Variants in ARHGEF4 observed in about 807,000 individuals in gnomAD.
ARHGEF4 encodes the protein Rho guanine nucleotide exchange factor 4, also known as APC-stimulated guanine nucleotide exchange factor 1.
Under a neutral mutation model 162.0 loss-of-function variants are expected in ARHGEF4, and 119 were observed. The ratio of observed to expected loss-of-function variants is 0.73; its 90% CI spans 0.63 to 0.86. The LOEUF is 0.86. ARHGEF4 is among the 40% of genes least tolerant of loss of function. ARHGEF4 has a pLI of 0.00. For synonymous variants in ARHGEF4, 1,014 were observed against 979.9 expected, an observed-to-expected ratio of 1.03 and a Z score of -0.65; for missense variants, 2,488 against 2,456.0, an observed-to-expected ratio of 1.01 and a Z score of -0.28.
chr2:130,987,748 G>A (rs1221026417), intron 4 of ARHGEF4, among the ~76,000 whole-genome samples: 1 of 152,220 alleles, frequency 6.6e-6, no homozygotes, highest in Non-Finnish European at 1.5e-5. Context: ...AGTGAGCACT[G>A]TGAGCTAGGC....
chr2:131,041,244 G>T lies in ARHGEF4; in HGVS notation c.4677G>T (p.Gln1559His). 6.2e-7 allele frequency: 1 copy of T among 1,613,632 alleles called. No homozygotes were observed. The highest frequency in any genetic ancestry group is 8.5e-7 in the Non-Finnish European group (1 of 1,179,908). The change falls in exon 9 of 14, where the codon CAG (glutamine) becomes CAT (histidine). Residue 1559 changes from glutamine (Q) to histidine (H), a missense_variant. Gln to His is a conservative substitution (Grantham distance 24). Coordinates refer to ENST00000409359, the MANE Select transcript of ARHGEF4 (RefSeq NM_001367493.1). ...ACFLEHQADF[Q>H]IYSEYCNNHP... ...GTGCCCCTTAGCAAGCCGACTTCCA[G>T]ATCTACTCGGAGTACTGCAATAACC...
chr2:130,957,631 C>T (rs1245759081), intron 4 of ARHGEF4, among the ~76,000 whole-genome samples: 1 of 152,116 alleles, frequency 6.6e-6, no homozygotes, highest in Non-Finnish European at 1.5e-5. Context: ...ATTCATGTGT[C>T]GAAATCCTAT....
chr2:130,856,504 G>C (rs932378176), intron 1 of ARHGEF4, among the ~76,000 whole-genome samples: 2 of 152,206 alleles, frequency 1.3e-5, no homozygotes, highest in East Asian at 3.8e-4. Flanking sequence ...CTCAGGCTGA[G>C]AGCAAGTGAC....
intron 4 of ARHGEF4, among the ~76,000 whole-genome samples, chr2:130,976,137 G>A (rs370200545): frequency 1.3e-5 from 2 of 152,144 alleles, no homozygotes; most frequent in African/African-American, 4.8e-5. Flanking sequence ...GTTGTGCAAG[G>A]TGATGAGTGT....
At chr2:130,925,079 T>TGTGTGTGTGC (rs1353241103) in intron 2 of ARHGEF4, among the ~76,000 whole-genome samples, 1 of 132,292 alleles carries the variant, frequency 7.6e-6, no homozygotes, top group African/African-American at 2.9e-5. Context: ...TGTGTGTGTG[T>TGTGTGTGTGC]GCGTCTGAGA....
At chr2:130,917,588 A>G (rs770391792) in intron 2 of ARHGEF4, 90 bp downstream of exon 2, 1 of 1,447,872 alleles carries the variant, frequency 6.9e-7, no homozygotes, top group South Asian at 1.5e-5. Context: ...GGGGAGAGGT[A>G]AAATAGGAAG....
At chr2:130,903,082 T>C (rs1303222181) in intron 1 of ARHGEF4, among the ~76,000 whole-genome samples, 5 of 151,666 alleles carry the variant, frequency 3.3e-5, no homozygotes, top group Non-Finnish European at 5.9e-5. Flanking sequence ...TTTGCAGTTA[T>C]AAAATTTCCC....
At chr2:130,886,503 C>T (rs1053730982) in intron 1 of ARHGEF4, among the ~76,000 whole-genome samples, 3 of 151,534 alleles carry the variant, frequency 2.0e-5, no homozygotes, top group African/African-American at 7.3e-5. Flanking sequence ...CATGGTGAAA[C>T]CCCTTCTCTA....
intron 4 of ARHGEF4, among the ~76,000 whole-genome samples, chr2:130,999,814 T>C (rs1687653776): frequency 6.6e-6 from 1 of 152,238 alleles, no homozygotes. Context: ...GCGATTCCCC[T>C]GCCTCAGCCT....
chr2:131,033,890 A>T (rs1690039673), intron 5 of ARHGEF4, among the ~76,000 whole-genome samples: 1 of 152,100 alleles, frequency 6.6e-6, no homozygotes, highest in African/African-American at 2.4e-5. Context: ...TGGAAACCCC[A>T]CCCACATACA....
intron 5 of ARHGEF4, among the ~76,000 whole-genome samples, chr2:131,030,850 C>T (rs1689804262): frequency 1.3e-5 from 2 of 152,186 alleles, no homozygotes; most frequent in Admixed American, 6.5e-5. Context: ...TAGGAGCCGC[C>T]AGAAGCATTA....
intron 1 of ARHGEF4, among the ~76,000 whole-genome samples, chr2:130,908,145 T>A (rs920458827): frequency 6.6e-6 from 1 of 152,196 alleles, no homozygotes; most frequent in African/African-American, 2.4e-5. Context: ...TATTTTGTAA[T>A]TCTCACTGTA....
chr2:131,044,472 C>T lies in ARHGEF4; in HGVS notation c.5331C>T (p.Pro1777=), dbSNP rs10928515. 0.14 allele frequency: 209,879 copies of T among 1,553,920 alleles called. 16,003 individuals are homozygous for T. The highest frequency in any genetic ancestry group is 0.26 in the African/African-American group (19,267 of 73,270). Residue 1777 remains proline (P), a synonymous_variant, in exon 12 of 14, where the codon CCC becomes CCT. Transcript: ENST00000409359. ...GDSHLLCTRK[P]EQKQRWLKAF... ...GCCACCTGCTGTGCACCAGGAAGCC[C>T]GAGCAGAAGCAGCGCTGGCTCAAGG... is the stretch of plus-strand genomic sequence containing the variant.
Position 130,872,736 on chromosome 2 carries a change from C to T in ARHGEF4, c.39+35744C>T, listed in dbSNP as rs535971376. 4.6e-5 allele frequency among the ~76,000 whole-genome samples: 7 copies of T among 152,246 alleles called. No homozygotes were observed. The East Asian group carries it at 7.7e-4, about 17-fold the overall frequency. On this transcript the variant is annotated intron_variant, in intron 1 of 13. Coordinates refer to ENST00000409359, the MANE Select transcript of ARHGEF4 (RefSeq NM_001367493.1). ...TCGGGATTATGGGTTGCAAGGGAGG[C>T]GATACAAAGGAGCAGAGGAGAAGAA...
intron 1 of ARHGEF4, among the ~76,000 whole-genome samples, chr2:130,855,118 G>A (rs1403464009): frequency 6.6e-6 from 1 of 151,612 alleles, no homozygotes; most frequent in African/African-American, 2.4e-5. Context: ...CTTGTGATCC[G>A]CCTGCCTCGG....
chr2:131,002,694 A>C (rs1385063978), intron 4 of ARHGEF4, among the ~76,000 whole-genome samples: 1 of 125,504 alleles, frequency 8.0e-6, no homozygotes, highest in Non-Finnish European at 1.6e-5. Flanking sequence ...TGGGCGACAG[A>C]GCGAGACTCC....
intron 1 of ARHGEF4, among the ~76,000 whole-genome samples, chr2:130,881,612 G>A (rs779529670): frequency 2.1e-4 from 32 of 151,980 alleles, no homozygotes; most frequent in Non-Finnish European, 1.8e-4. Flanking sequence ...ACAGCTGTGC[G>A]TGAGCTGTTT....
chr2:130,865,619 C>T (rs1413401231), intron 1 of ARHGEF4, among the ~76,000 whole-genome samples: 2 of 152,202 alleles, frequency 1.3e-5, no homozygotes, highest in African/African-American at 2.4e-5. Context: ...GCGGTGCTGT[C>T]GACTGCTGAT....
chr2:130,950,410 G>C (rs1179454611), intron 4 of ARHGEF4, among the ~76,000 whole-genome samples: 1 of 152,124 alleles, frequency 6.6e-6, no homozygotes, highest in African/African-American at 2.4e-5. Flanking sequence ...GCTTTGGAAG[G>C]GTTGGCTGGG....
Sources: allele counts gnomAD v4.1 joint callset (sites outside exome capture counted in the v4.1 genomes callset), GRCh38; gene constraint gnomAD v4.1.1; transcripts MANE v1.5; gene names NCBI Gene and HGNC (gene_info 2026-07-23, HGNC 2026-07-21).